Variants in HADHB observed in about 807,000 individuals in gnomAD.
The protein encoded by HADHB is hydroxyacyl-CoA dehydrogenase trifunctional multienzyme complex subunit beta, also known as trifunctional enzyme subunit beta, mitochondrial.
HADHB carries 50 observed loss-of-function variants against 61.9 expected under a neutral mutation model. That is an observed-to-expected ratio of 0.81 (90% CI 0.64 to 1.02). HADHB has a LOEUF of 1.02. Among genes scored for constraint, HADHB ranks in the 50% least tolerant of loss-of-function variants. The probability of loss-of-function intolerance (pLI) is 0.00; values close to 1 mark genes in which losing one functional copy is unlikely to be tolerated. For synonymous variants in HADHB, 191 were observed against 201.6 expected (o/e 0.95, Z 0.45); for missense variants, 504 against 586.5 (o/e 0.86, Z 1.45).
intron 10 of HADHB, among the ~76,000 whole-genome samples, chr2:26,282,120 AAGC>A (rs1241265462): frequency 1.3e-5 from 2 of 152,110 alleles, no homozygotes; most frequent in Non-Finnish European, 2.9e-5. Context: ...CACGGGCAGA[AAGC>A]AGCTGAGAGC....
chr2:26,253,857 A>ATAAAT (rs1553318179), intron 1 of HADHB, among the ~76,000 whole-genome samples: 3 of 125,582 alleles, frequency 2.4e-5, no homozygotes, highest in African/African-American at 8.4e-5. Context: ...CCATCTCAAA[A>ATAAAT]AAATAAATAA....
chr2:26,246,406 G>C (rs1330111414), intron 1 of HADHB, among the ~76,000 whole-genome samples: 1 of 151,148 alleles, frequency 6.6e-6, no homozygotes. Context: ...GCAGTGGCGC[G>C]ATCTTGGCTC....
At chr2:26,276,907 A>G (rs1210536682) in intron 6 of HADHB, among the ~76,000 whole-genome samples, 166 bp from the exon 7 acceptor site, 1 of 152,240 alleles carries the variant, frequency 6.6e-6, no homozygotes, top group East Asian at 1.9e-4. Context: ...AAGATTAAAT[A>G]TTAGTGAACC....
intron 3 of HADHB, among the ~76,000 whole-genome samples, chr2:26,259,678 G>A (rs1671781567): frequency 6.6e-6 from 1 of 152,140 alleles, no homozygotes; most frequent in African/African-American, 2.4e-5. Flanking sequence ...TTTTAAATGT[G>A]CCTTGTAGAG....
chr2:26,260,740 G>A (rs1208059294), intron 3 of HADHB: 1 of 440,354 alleles, frequency 2.3e-6, no homozygotes, highest in African/African-American at 2.0e-5. Flanking sequence ...CAGCTGGAAA[G>A]GTGTTAGGAA....
chr2:26,254,880 T>A, intron 3 of HADHB: 1 of 211,728 alleles, frequency 4.7e-6, no homozygotes, highest in South Asian at 7.4e-5. Context: ...GAATATCTTC[T>A]TCTCCCATGT....
At chr2:26,260,421 A>T (rs1671814180) in intron 3 of HADHB, 1 of 152,966 alleles carries the variant, frequency 6.5e-6, no homozygotes, top group Admixed American at 6.5e-5. Context: ...ATGGTGTACC[A>T]TTCGACCTGT....
chr2:26,269,384 A>T (rs1444185654), intron 4 of HADHB, among the ~76,000 whole-genome samples: 2 of 151,894 alleles, frequency 1.3e-5, no homozygotes, highest in Non-Finnish European at 2.9e-5. Flanking sequence ...TTTGTAAGAG[A>T]CAAGGTCTTG....
intron 4 of HADHB, among the ~76,000 whole-genome samples, chr2:26,267,352 G>A (rs1389801674): frequency 2.6e-5 from 4 of 151,960 alleles, no homozygotes; most frequent in African/African-American, 9.7e-5. Context: ...AAAAAGAGGG[G>A]TTCAGGGGGT....
At position 26,266,871 on chromosome 2, in the gene HADHB, C is replaced by CAA. The variant is rs56401595; in HGVS notation, c.210-3060_210-3059dup. Among the ~76,000 whole-genome samples the CAA allele has an allele frequency of 1.9e-3, 88 of 45,222 alleles. 1 individual carries two copies. Among genetic ancestry groups the CAA allele is most frequent in the East Asian group, 4.4e-3 (7 of 1,578 alleles). 29.7% of individuals were successfully genotyped at this position (45,222 alleles called of 152,430 possible). A position where few individuals can be genotyped will look rare whatever the true frequency, so the allele number is the denominator to read the frequency against. On this transcript the variant is annotated intron_variant, in intron 4 of 15. Coordinates refer to ENST00000317799, the MANE Select transcript of HADHB (RefSeq NM_000183.3). ...GGTGATGGAGTGAGACACTCTCTCT[C>CAA]AAAAAAAAAAAAAAAAAAAAAAAGG...
At chr2:26,245,610 C>T (rs1218841902) in intron 1 of HADHB, among the ~76,000 whole-genome samples, 1 of 151,950 alleles carries the variant, frequency 6.6e-6, no homozygotes, top group Non-Finnish European at 1.5e-5. Flanking sequence ...GCCTACGAAT[C>T]AGAGAGAGTG....
At position 26,255,117 on chromosome 2, in the gene HADHB, A is replaced by G. The variant is rs1429446209; in HGVS notation, c.109+643A>G. ...GCTAAAAACACCCTGACAAATTCTT[A>G]ACATTTTTCTCCTTGCCTAGATTCT... On this transcript the variant is annotated intron_variant, in intron 3 of 15. Transcript: ENST00000317799. Among the ~76,000 whole-genome samples, 4 of 152,310 alleles carry G rather than the reference A, an allele frequency of 2.6e-5. No individual in the cohort carries two copies. In the East Asian group the frequency reaches 7.7e-4, roughly 29 times the overall value.
At chr2:26,271,944 TG>T (rs1480867267) in intron 5 of HADHB, among the ~76,000 whole-genome samples, 2 of 152,292 alleles carry the variant, frequency 1.3e-5, no homozygotes, top group African/African-American at 4.8e-5. Flanking sequence ...TTTTTCTGTA[TG>T]GAGTCTCACT....
Position 26,284,297 on chromosome 2 carries a change from G to C in HADHB, c.1149+93G>C. ...GAGAGCAAGGCATGGTTTATGATGT[G>C]AGTAGAGCAGGAGTGGACCTGCATA... On this transcript the variant is annotated intron_variant, in intron 13 of 15. Transcript: ENST00000317799. The C allele has an allele frequency of 1.7e-5, 14 of 803,832 alleles. No homozygotes were observed. The South Asian group carries it at 1.9e-4, about 11-fold the overall frequency. The allele number at this position is 803,832 out of a possible 1,614,324, so 49.8% of individuals were successfully genotyped here.
Position 26,290,055 on chromosome 2 carries a change from T to C in HADHB, c.*102T>C, listed in dbSNP as rs1228794299. 3.5e-6 allele frequency: 3 copies of C among 846,510 alleles called. No individual in the cohort carries two copies. The highest frequency in any genetic ancestry group is 6.2e-6 in the Non-Finnish European group (3 of 484,468). 52.4% of individuals were successfully genotyped at this position (846,510 alleles called of 1,614,324 possible). On this transcript the variant is annotated 3_prime_UTR_variant, in exon 16 of 16. Transcript: ENST00000317799. Reference sequence around the variant, plus strand: ...GACATTTGTAGTTCCTAGCTCCTCTTAGGAAAACAGTTCTTGTGGCCTTCT... The same window carrying C: ...GACATTTGTAGTTCCTAGCTCCTCTCAGGAAAACAGTTCTTGTGGCCTTCT...
chr2:26,275,672 T>A (rs1369894415), intron 6 of HADHB, among the ~76,000 whole-genome samples: 2 of 152,242 alleles, frequency 1.3e-5, no homozygotes, highest in African/African-American at 4.8e-5. Context: ...GTTGAGAGGC[T>A]GATGCACAGG....
intron 10 of HADHB, among the ~76,000 whole-genome samples, chr2:26,280,706 G>T (rs1672751108): frequency 6.6e-6 from 1 of 151,984 alleles, no homozygotes. Context: ...TACAAAATTA[G>T]CCAGATGTGG....
intron 13 of HADHB, among the ~76,000 whole-genome samples, 200 bp downstream of exon 13, chr2:26,284,404 C>T (rs1418678980): frequency 6.6e-6 from 1 of 151,724 alleles, no homozygotes; most frequent in Non-Finnish European, 1.5e-5. Flanking sequence ...GAGAACATAC[C>T]AAATTGCTTC....
rs376096533 is a variant in HADHB at position 26,254,472 on chromosome 2, C to T, written c.107C>T (p.Pro36Leu). Residue 36 changes from proline to leucine, a missense_variant and splice_region_variant, in exon 3 of 16, where the codon CCA (proline) becomes CTA (leucine). Coordinates refer to ENST00000317799, the MANE Select transcript of HADHB (RefSeq NM_000183.3). Reference sequence around the variant, plus strand: ...TGTTCCTCCCAGCTACGAGCTGCCCCAGGTACAGTAATTTGTAAAATAAAT... The same window carrying T: ...TGTTCCTCCCAGCTACGAGCTGCCCTAGGTACAGTAATTTGTAAAATAAAT... ...LSCSSQLRAA[P>L]AVQTKTKKTL... 4 of 1,562,524 alleles carry T rather than the reference C, an allele frequency of 2.6e-6. No individual in the cohort carries two copies. Among genetic ancestry groups the T allele is most frequent in the Non-Finnish European group, 3.5e-6 (4 of 1,133,066 alleles).
Sources: gnomAD v4.1 joint callset for allele counts (sites outside exome capture counted in the v4.1 genomes callset) on GRCh38, gnomAD v4.1.1 for gene constraint, MANE v1.5 for transcripts, NCBI Gene and HGNC (gene_info 2026-07-23, HGNC 2026-07-21) for gene names.